The following CACNA1C variants were observed in gnomAD, a reference collection of about 807,000 sequenced individuals.
CACNA1C encodes the protein voltage-dependent L-type calcium channel subunit alpha-1C.
A neutral mutation model predicts 229.0 loss-of-function variants in CACNA1C; 30 were observed. The ratio of observed to expected loss-of-function variants is 0.13; its 90% CI spans 0.10 to 0.18. CACNA1C has a LOEUF of 0.18. Among genes scored for constraint, CACNA1C ranks in the 10% least tolerant of loss-of-function variants. The pLI is 1.00. For synonymous variants in CACNA1C, 1,114 were observed against 1,132.5 expected, an observed-to-expected ratio of 0.98 and a Z score of 0.33; for missense variants, 1,658 against 2,845.0, an observed-to-expected ratio of 0.58 and a Z score of 9.49.
At chr12:2,081,289 G>A (rs547781083) in intron 1 of CACNA1C, among the ~76,000 whole-genome samples, 4 of 152,200 alleles carry the variant, frequency 2.6e-5, no homozygotes, top group Admixed American at 2.0e-4. Flanking sequence ...GACATTTTTC[G>A]GCCAGGTGCG....
chr12:2,662,518 G>A (rs1026984624), intron 34 of CACNA1C, among the ~76,000 whole-genome samples: 2 of 152,144 alleles, frequency 1.3e-5, no homozygotes, highest in Non-Finnish European at 1.5e-5. Flanking sequence ...GAGATGCCAC[G>A]TTTCTGGCCA....
chr12:2,129,054 C>T (rs1316623390), intron 3 of CACNA1C, among the ~76,000 whole-genome samples: 20 of 152,206 alleles, frequency 1.3e-4, no homozygotes. Flanking sequence ...AGCCAGACAG[C>T]ACATCACCTT....
chr12:2,680,689 C>G (rs2097104835), intron 42 of CACNA1C: 2 of 857,820 alleles, frequency 2.3e-6, no homozygotes, highest in South Asian at 3.4e-5. Context: ...GCTGGCCTGC[C>G]TGTCCCTGCA....
At chr12:2,081,509 T>TG (rs1360859957) in intron 1 of CACNA1C, among the ~76,000 whole-genome samples, 3 of 151,604 alleles carry the variant, frequency 2.0e-5, no homozygotes, top group Non-Finnish European at 4.4e-5. Context: ...AGGTGGAGCT[T>TG]GCAGTGAGCC....
At chr12:2,450,414 C>A (rs1018378711) in intron 4 of CACNA1C, among the ~76,000 whole-genome samples, 4 of 151,562 alleles carry the variant, frequency 2.6e-5, no homozygotes, top group Non-Finnish European at 4.4e-5. Flanking sequence ...CTTAGCCGGG[C>A]GAGGTGGCGG....
intron 3 of CACNA1C, among the ~76,000 whole-genome samples, chr12:2,230,746 A>G (rs2064832705): frequency 6.6e-6 from 1 of 152,248 alleles, no homozygotes; most frequent in African/African-American, 2.4e-5. Flanking sequence ...CTCCAAGACA[A>G]GAAAAGAGTA....
intron 18 of CACNA1C, among the ~76,000 whole-genome samples, chr12:2,592,180 G>A (rs762959672): frequency 2.6e-5 from 4 of 152,302 alleles, no homozygotes; most frequent in Middle Eastern, 3.4e-3. Context: ...GGAATAATAG[G>A]TGGTAAGGAT....
At chr12:2,578,799 G>T (rs2059486371) in intron 13 of CACNA1C, among the ~76,000 whole-genome samples, 1 of 152,196 alleles carries the variant, frequency 6.6e-6, no homozygotes, top group Non-Finnish European at 1.5e-5. Flanking sequence ...CCCAGGGGTT[G>T]AGGGAGGCAG....
intron 9 of CACNA1C, among the ~76,000 whole-genome samples, chr12:2,515,521 T>C (rs2099794825): frequency 6.6e-6 from 1 of 152,236 alleles, no homozygotes; most frequent in Non-Finnish European, 1.5e-5. Context: ...GACTATAGTA[T>C]GGTATGTTTG....
chr12:2,233,777 C>T (rs995169006), intron 3 of CACNA1C, among the ~76,000 whole-genome samples: 1 of 152,162 alleles, frequency 6.6e-6, no homozygotes, highest in African/African-American at 2.4e-5. Flanking sequence ...CAGTGCTTCC[C>T]TCTCCTATGG....
intron 7 of CACNA1C, among the ~76,000 whole-genome samples, chr12:2,499,081 A>T (rs1037393564): frequency 1.3e-5 from 2 of 152,164 alleles, no homozygotes; most frequent in Non-Finnish European, 2.9e-5. Context: ...CTCAATAAGC[A>T]GGTGCAGGGG....
chr12:2,390,274 C>T (rs1051296437), intron 3 of CACNA1C, among the ~76,000 whole-genome samples: 1 of 152,124 alleles, frequency 6.6e-6, no homozygotes. Context: ...TTTGGGAACA[C>T]CAGAACAACA....
intron 3 of CACNA1C, among the ~76,000 whole-genome samples, chr12:2,350,744 C>G (rs755213765): frequency 6.6e-6 from 1 of 152,186 alleles, no homozygotes; most frequent in Non-Finnish European, 1.5e-5. Context: ...AAGCCCTTTC[C>G]CCTGGACAAT....
chr12:2,602,631 TGTGTGTGTGTGTGTGTGTG>T lies in CACNA1C; in HGVS notation c.2960+672_2960+690del, dbSNP rs1469276515. ...TGTGTGACTGTGTATATTTGTGTCT[TGTGTGTGTGTGTGTGTGTG>T]TGTGTGTGTGTGTGTGTGTGAGTTT... On this transcript the variant is annotated intron_variant, in intron 22 of 46. Transcript: ENST00000399655. This position sits in a 1 kb window ranked among gnomAD's most constrained non-coding sequence, Gnocchi z 4.4. Among the ~76,000 whole-genome samples, 2 of 38,330 alleles carry T rather than the reference TGTGTGTGTGTGTGTGTGTG, an allele frequency of 5.2e-5. No individual in the cohort carries two copies. Among genetic ancestry groups the T allele is most frequent in the Non-Finnish European group, 1.3e-4 (2 of 15,500 alleles). 25.1% of individuals were successfully genotyped at this position (38,330 alleles called of 152,430 possible).
chr12:2,673,350 C>T (rs758094387), intron 38 of CACNA1C, among the ~76,000 whole-genome samples: 2 of 152,034 alleles, frequency 1.3e-5, no homozygotes, highest in Middle Eastern at 3.4e-3. Flanking sequence ...CCTGTAATCC[C>T]AGCTACTTGG....
At chr12:2,565,299 C>T (rs1047396221) in intron 11 of CACNA1C, among the ~76,000 whole-genome samples, 1 of 151,464 alleles carries the variant, frequency 6.6e-6, no homozygotes, top group Non-Finnish European at 1.5e-5. Context: ...AAACCCGTCT[C>T]TACTAAAAAT....
At chr12:2,187,525 G>T (rs923381840) in intron 3 of CACNA1C, among the ~76,000 whole-genome samples, 21 of 117,778 alleles carry the variant, frequency 1.8e-4, no homozygotes, top group Admixed American at 8.0e-4. Context: ...GAGCATCTGC[G>T]CAGGGCTTAG....
At chr12:2,143,619 G>A (rs1039862613) in intron 3 of CACNA1C, among the ~76,000 whole-genome samples, 5 of 151,226 alleles carry the variant, frequency 3.3e-5, no homozygotes, top group African/African-American at 1.2e-4. Flanking sequence ...TGCGTGTGTC[G>A]TAGGCTGTGC....
intron 3 of CACNA1C, among the ~76,000 whole-genome samples, chr12:2,201,221 T>G (rs2097571660): frequency 1.3e-5 from 2 of 152,108 alleles, no homozygotes; most frequent in South Asian, 4.2e-4. Flanking sequence ...TTCCAAAAAA[T>G]AAAGAAGGGC....
Sources: allele counts gnomAD v4.1 joint callset (sites outside exome capture counted in the v4.1 genomes callset), GRCh38; gene constraint gnomAD v4.1.1; non-coding constraint Gnocchi (gnomAD v3.1); transcripts MANE v1.5; gene names NCBI Gene and HGNC (gene_info 2026-07-23, HGNC 2026-07-21).